Variants in SMAD1 observed in about 807,000 individuals in gnomAD.
SMAD1 encodes the protein SMAD family member 1, also known as MAD, mothers against decapentaplegic homolog 1.
A neutral mutation model predicts 41.6 loss-of-function variants in SMAD1; 6 were observed. That is an observed-to-expected ratio of 0.14 (90% CI 0.08 to 0.28). The LOEUF (loss-of-function observed/expected upper bound fraction) is 0.28, where lower values mean the gene tolerates loss of function less well. Among genes scored for constraint, SMAD1 ranks in the 10% least tolerant of loss-of-function variants. SMAD1 has a pLI of 1.00. For synonymous variants in SMAD1, 206 were observed against 203.2 expected (o/e 1.01, Z -0.12); for missense variants, 379 against 582.6 (o/e 0.65, Z 3.60).
intron 2 of SMAD1, among the ~76,000 whole-genome samples, chr4:145,529,392 A>G (rs1374040126): frequency 6.6e-6 from 1 of 152,198 alleles, no homozygotes; most frequent in Non-Finnish European, 1.5e-5. Flanking sequence ...GAAAAGACAG[A>G]GAGGGAACTA....
At chr4:145,487,067 C>T (rs1387168061) in intron 1 of SMAD1, among the ~76,000 whole-genome samples, 1 of 152,074 alleles carries the variant, frequency 6.6e-6, no homozygotes, top group Non-Finnish European at 1.5e-5. Context: ...TGCTTATTTT[C>T]TACATATTAA....
At chr4:145,530,035 C>T (rs1459437743) in intron 2 of SMAD1, among the ~76,000 whole-genome samples, 1 of 152,148 alleles carries the variant, frequency 6.6e-6, no homozygotes, top group Non-Finnish European at 1.5e-5. Flanking sequence ...ATACAATTTA[C>T]AAACATATTG....
intron 2 of SMAD1, among the ~76,000 whole-genome samples, chr4:145,515,380 A>C (rs1730326939): frequency 6.6e-6 from 1 of 152,160 alleles, no homozygotes; most frequent in African/African-American, 2.4e-5. Context: ...AGATAAAATT[A>C]GCTATGAATT....
chr4:145,557,787 C>G lies in SMAD1; in HGVS notation c.1255-4C>G, dbSNP rs756709250. 15 of 1,598,996 alleles carry G rather than the reference C, an allele frequency of 9.4e-6. No homozygotes were observed. The South Asian group carries it at 1.5e-4, about 16-fold the overall frequency. ...TTAAATGACCTCCAGTATGTTTTTC[C>G]TAGGGCTGGGGAGCAGAATACCACC... is the stretch of plus-strand genomic sequence containing the variant. On this transcript the variant is annotated splice_region_variant and splice_polypyrimidine_tract_variant and intron_variant, in intron 6 of 6. Transcript: ENST00000302085.
At chr4:145,541,139 G>C (rs1404580494) in intron 3 of SMAD1, among the ~76,000 whole-genome samples, 2 of 152,074 alleles carry the variant, frequency 1.3e-5, no homozygotes, top group Non-Finnish European at 1.5e-5. Context: ...CTGTATGATG[G>C]GCAGGTTAGT....
At chr4:145,481,043 GAA>G (rs1728152165), upstream of SMAD1, among the ~76,000 whole-genome samples, 1 of 151,518 alleles carries the variant, frequency 6.6e-6, no homozygotes, top group African/African-American at 2.4e-5. Context: ...TTAGCCAAGA[GAA>G]AAGTTGACTC....
intron 1 of SMAD1, among the ~76,000 whole-genome samples, chr4:145,507,231 C>T (rs1729837589): frequency 6.7e-6 from 1 of 149,758 alleles, no homozygotes; most frequent in South Asian, 2.1e-4. Context: ...TATAAAAAAT[C>T]AGAAGTTACA....
chr4:145,523,964 G>C (rs1730895135), intron 2 of SMAD1, among the ~76,000 whole-genome samples: 1 of 152,082 alleles, frequency 6.6e-6, no homozygotes, highest in African/African-American at 2.4e-5. Flanking sequence ...CAGTGGCGCA[G>C]TCATAGCTCA....
At chr4:145,510,307 G>T (rs1274048019) in intron 1 of SMAD1, among the ~76,000 whole-genome samples, 2 of 151,252 alleles carry the variant, frequency 1.3e-5, no homozygotes, top group Admixed American at 1.3e-4. Context: ...ACTTTCTTTG[G>T]GTTTATTTTT....
intron 1 of SMAD1, among the ~76,000 whole-genome samples, chr4:145,505,312 T>C (rs548866917): frequency 6.6e-6 from 1 of 152,214 alleles, no homozygotes; most frequent in East Asian, 1.9e-4. Context: ...TTAGGATAGA[T>C]GACACATACA....
intron 2 of SMAD1, among the ~76,000 whole-genome samples, chr4:145,534,413 G>C (rs146642220): frequency 6.6e-6 from 1 of 152,050 alleles, no homozygotes; most frequent in Non-Finnish European, 1.5e-5. Context: ...TTTTTTTACC[G>C]GAGGTAAACA....
intron 6 of SMAD1, among the ~76,000 whole-genome samples, chr4:145,557,140 T>C (rs1732886511): frequency 1.3e-5 from 2 of 152,246 alleles, no homozygotes; most frequent in South Asian, 4.1e-4. Context: ...CAGTAGCAGT[T>C]ACTTTTCTCT....
intron 1 of SMAD1, among the ~76,000 whole-genome samples, chr4:145,494,636 G>A (rs950321763): frequency 1.3e-5 from 2 of 152,216 alleles, no homozygotes; most frequent in Non-Finnish European, 2.9e-5. Flanking sequence ...TTATGGTAAG[G>A]AAGCTTTTAA....
chr4:145,499,157 T>G (rs1431120169), intron 1 of SMAD1, among the ~76,000 whole-genome samples: 1 of 152,234 alleles, frequency 6.6e-6, no homozygotes, highest in Non-Finnish European at 1.5e-5. Context: ...AACTCCTGGT[T>G]GTTATTCCCT....
intron 2 of SMAD1, among the ~76,000 whole-genome samples, chr4:145,523,070 G>A (rs1180595267): frequency 2.0e-5 from 3 of 152,098 alleles, no homozygotes; most frequent in Non-Finnish European, 4.4e-5. Flanking sequence ...GGATTAATTA[G>A]CAATAATATT....
chr4:145,513,617 T>G (rs933808172), intron 1 of SMAD1, among the ~76,000 whole-genome samples: 1 of 152,162 alleles, frequency 6.6e-6, no homozygotes. Context: ...CCCTAAAATA[T>G]TACTACATTT....
At chr4:145,508,533 G>A (rs1260745701) in intron 1 of SMAD1, among the ~76,000 whole-genome samples, 1 of 151,902 alleles carries the variant, frequency 6.6e-6, no homozygotes, top group Admixed American at 6.6e-5. Context: ...TAGATAAACA[G>A]CAGTGAACAG....
intron 2 of SMAD1, among the ~76,000 whole-genome samples, chr4:145,520,055 A>T (rs528759697): frequency 7.9e-4 from 121 of 152,316 alleles, no homozygotes; most frequent in African/African-American, 2.9e-3. Context: ...AGTAAGATAT[A>T]CCTTTCACCT....
At chr4:145,487,051 G>A (rs1338983237) in intron 1 of SMAD1, among the ~76,000 whole-genome samples, 2 of 152,138 alleles carry the variant, frequency 1.3e-5, no homozygotes, top group Non-Finnish European at 2.9e-5. Flanking sequence ...GACAACCAGA[G>A]AGAAATGCTT....
Sources: allele counts gnomAD v4.1 joint callset (sites outside exome capture counted in the v4.1 genomes callset), GRCh38; gene constraint gnomAD v4.1.1; transcripts MANE v1.5; gene names NCBI Gene and HGNC (gene_info 2026-07-23, HGNC 2026-07-21).